KCNH1: variants seen among roughly 807,000 people sequenced by gnomAD.
The protein encoded by KCNH1 is potassium voltage-gated channel subfamily H member 1.
KCNH1 carries 27 observed loss-of-function variants against 69.2 expected under a neutral mutation model. That is an observed-to-expected ratio of 0.39 (90% confidence interval 0.29 to 0.54). The LOEUF (loss-of-function observed/expected upper bound fraction) is 0.54. KCNH1 is among the 20% of genes least tolerant of loss of function. The pLI, the probability that KCNH1 is intolerant of heterozygous loss-of-function variation, is 0.68. For missense variants in KCNH1, 798 were observed against 1,261.6 expected (o/e 0.63, Z 5.57); for synonymous variants, 456 against 487.7 (o/e 0.93, Z 0.86).
intron 5 of KCNH1, among the ~76,000 whole-genome samples, chr1:211,035,729 A>T (rs966011239): frequency 6.6e-6 from 1 of 152,218 alleles, no homozygotes; most frequent in Non-Finnish European, 1.5e-5. Context: ...CAGAAGATGG[A>T]AATTCCATGG....
chr1:211,005,032 G>C (rs12030715), intron 6 of KCNH1, among the ~76,000 whole-genome samples: 1 of 151,794 alleles, frequency 6.6e-6, no homozygotes, highest in African/African-American at 2.4e-5. Flanking sequence ...AAGAAAGAGC[G>C]AATAAGAGAG....
chr1:210,738,905 C>G (rs1482708498), intron 10 of KCNH1, among the ~76,000 whole-genome samples: 1 of 152,100 alleles, frequency 6.6e-6, no homozygotes, highest in Non-Finnish European at 1.5e-5. Context: ...TCAGCTATAC[C>G]TTAAATTCTG....
intron 10 of KCNH1, among the ~76,000 whole-genome samples, chr1:210,750,414 C>T (rs185636183): frequency 9.2e-5 from 14 of 152,138 alleles, no homozygotes; most frequent in Non-Finnish European, 1.8e-4. Context: ...TCAGCTGCAT[C>T]GAAAACATTT....
chr1:210,898,436 C>A (rs759909843), intron 7 of KCNH1, among the ~76,000 whole-genome samples: 13 of 152,168 alleles, frequency 8.5e-5, no homozygotes, highest in Non-Finnish European at 1.9e-4. Context: ...AAACAAGGCA[C>A]AGAAGATAAG....
intron 10 of KCNH1, among the ~76,000 whole-genome samples, chr1:210,709,293 C>T (rs150783628): frequency 3.9e-5 from 6 of 152,246 alleles, no homozygotes; most frequent in African/African-American, 7.2e-5. Flanking sequence ...TATGCATACA[C>T]GGATGTGTTG....
intron 1 of KCNH1, among the ~76,000 whole-genome samples, chr1:211,128,731 T>G (rs1014431587): frequency 2.0e-5 from 3 of 152,160 alleles, no homozygotes; most frequent in African/African-American, 7.2e-5. Context: ...AAGAATACAA[T>G]GCAAAACTTA....
intron 7 of KCNH1, among the ~76,000 whole-genome samples, chr1:210,811,972 C>T (rs1160321394): frequency 2.0e-5 from 3 of 152,150 alleles, no homozygotes; most frequent in African/African-American, 2.4e-5. Flanking sequence ...TGGGACCTCA[C>T]CTCCAAAGTA....
At chr1:211,079,114 T>TA (rs1690797555) in intron 5 of KCNH1, among the ~76,000 whole-genome samples, 3 of 151,160 alleles carry the variant, frequency 2.0e-5, no homozygotes, top group Non-Finnish European at 4.4e-5. Flanking sequence ...ATAGACACAA[T>TA]AAAAAAATGA....
chr1:210,920,270 T>G lies in KCNH1; in HGVS notation c.1033-201A>C, dbSNP rs182605253. ...TCCCATTAGCATTTTCTACTTCCAT[T>G]AAAAAGCAAATAAGCAAGCACACAA... On this transcript the variant is annotated intron_variant, in intron 6 of 10. Transcript: ENST00000271751. 1.2e-4 allele frequency among the ~76,000 whole-genome samples: 18 copies of G among 152,326 alleles called. No homozygotes were observed. In the East Asian group the frequency reaches 3.3e-3, roughly 28 times the overall value.
At chr1:210,946,328 T>C (rs1501559) in intron 6 of KCNH1, among the ~76,000 whole-genome samples, 80,338 of 151,788 alleles carry the variant, frequency 0.53, 21,468 homozygotes, top group East Asian at 0.64. Context: ...AGCATGTGTA[T>C]CCATGCTGCC....
chr1:210,684,079 C>T lies in KCNH1; in HGVS notation c.2172G>A (p.Lys724=). ...GGGGCAAGATCAGGGGGGCCTCATT[C>T]TTTCGTTTCATGCGTTCTTCCTCTT... ...KREEEERMKR[K]NEAPLILPPD... Residue 724 remains lysine, a synonymous_variant, in exon 11 of 11, where the codon AAG becomes AAA. Coordinates refer to ENST00000271751, the MANE Select transcript of KCNH1 (RefSeq NM_172362.3). 2 of 1,519,550 alleles carry T rather than the reference C, an allele frequency of 1.3e-6. No homozygotes were observed. The highest frequency in any genetic ancestry group is 1.8e-6 in the Non-Finnish European group (2 of 1,133,986). The allele number at this position is 1,519,550 out of a possible 1,614,324, so 94.1% of individuals were successfully genotyped here.
intron 10 of KCNH1, among the ~76,000 whole-genome samples, chr1:210,696,726 T>C (rs1163476776): frequency 6.6e-6 from 1 of 152,234 alleles, no homozygotes; most frequent in Non-Finnish European, 1.5e-5. Context: ...TTACCAGGAC[T>C]TGGGGAGAGG....
At chr1:210,892,050 T>C (rs80016581) in intron 7 of KCNH1, among the ~76,000 whole-genome samples, 4 of 151,958 alleles carry the variant, frequency 2.6e-5, no homozygotes, top group African/African-American at 9.7e-5. Context: ...CATCACACAC[T>C]GGGGCCTGTC....
At chr1:210,878,154 C>T (rs1476343408) in intron 7 of KCNH1, among the ~76,000 whole-genome samples, 2 of 152,018 alleles carry the variant, frequency 1.3e-5, no homozygotes, top group Admixed American at 6.6e-5. Flanking sequence ...CACCCAAAAA[C>T]TGATAGGACT....
chr1:210,968,531 T>C (rs1473231326), intron 6 of KCNH1, among the ~76,000 whole-genome samples: 1 of 147,820 alleles, frequency 6.8e-6, no homozygotes, highest in Non-Finnish European at 1.5e-5. Flanking sequence ...CAGCACCTGT[T>C]GTTTCCTGAC....
At chr1:210,785,612 C>T (rs1322371558) in intron 9 of KCNH1, among the ~76,000 whole-genome samples, 4 of 152,092 alleles carry the variant, frequency 2.6e-5, no homozygotes, top group Admixed American at 1.3e-4. Context: ...GTCTCAAACT[C>T]CTGATCTTGT....
At chr1:210,972,195 G>C (rs1688523000) in intron 6 of KCNH1, among the ~76,000 whole-genome samples, 1 of 151,816 alleles carries the variant, frequency 6.6e-6, no homozygotes, top group Non-Finnish European at 1.5e-5. Flanking sequence ...TTTGAATCAT[G>C]CTTTATGAGT....
chr1:210,745,925 G>GC (rs35677651), intron 10 of KCNH1, among the ~76,000 whole-genome samples: 8,897 of 151,184 alleles, frequency 0.059, 463 homozygotes, highest in East Asian at 0.14. Context: ...TGGCACTAGA[G>GC]GGGGGGTGGT....
At chr1:210,956,559 G>A (rs1482755923) in intron 6 of KCNH1, among the ~76,000 whole-genome samples, 1 of 147,576 alleles carries the variant, frequency 6.8e-6, no homozygotes, top group African/African-American at 2.5e-5. Flanking sequence ...TTTTTTGGAG[G>A]GTAGGCTATT....
Sources: allele counts gnomAD v4.1 joint callset (sites outside exome capture counted in the v4.1 genomes callset), GRCh38; gene constraint gnomAD v4.1.1; transcripts MANE v1.5; gene names NCBI Gene and HGNC (gene_info 2026-07-23, HGNC 2026-07-21).